Variants in GABBR2 observed in about 807,000 individuals in gnomAD.
The protein encoded by GABBR2 is gamma-aminobutyric acid type B receptor subunit 2.
In GABBR2, 23 loss-of-function variants were observed where a neutral mutation model predicts 105.6. The ratio of observed to expected loss-of-function variants is 0.22; its 90% CI spans 0.16 to 0.31. The LOEUF is 0.31. Ranked by LOEUF, GABBR2 falls within the 10% of genes least tolerant of loss-of-function variation. The pLI is 1.00. For missense variants in GABBR2, 734 were observed against 1,245.5 expected (o/e 0.59, Z 6.18); for synonymous variants, 478 against 499.7 (o/e 0.96, Z 0.58).
intron 3 of GABBR2, among the ~76,000 whole-genome samples, chr9:98,528,100 A>C (rs1827995852): frequency 6.6e-6 from 1 of 152,164 alleles, no homozygotes; most frequent in Non-Finnish European, 1.5e-5. Context: ...TTTTTACTTT[A>C]TAAAATGTGG....
At chr9:98,563,485 C>T (rs903888053) in intron 2 of GABBR2, among the ~76,000 whole-genome samples, 1 of 152,172 alleles carries the variant, frequency 6.6e-6, no homozygotes, top group Non-Finnish European at 1.5e-5. Flanking sequence ...TTCTTGTTAG[C>T]GTGGGCCAGA....
intron 7 of GABBR2, among the ~76,000 whole-genome samples, chr9:98,448,459 C>T (rs1201052957): frequency 6.6e-6 from 1 of 151,810 alleles, no homozygotes; most frequent in Non-Finnish European, 1.5e-5. Flanking sequence ...GACGGAGTCT[C>T]ACTCTATTGC....
chr9:98,530,616 AAAAAT>A (rs967216794), intron 3 of GABBR2, among the ~76,000 whole-genome samples: 1 of 152,192 alleles, frequency 6.6e-6, no homozygotes, highest in Non-Finnish European at 1.5e-5. Context: ...TGTCTCGACA[AAAAAT>A]AAAATAAAAT....
chr9:98,629,696 C>CT (rs1239317226), intron 1 of GABBR2, among the ~76,000 whole-genome samples: 21 of 152,270 alleles, frequency 1.4e-4, no homozygotes, highest in African/African-American at 5.1e-4. Context: ...TGGCTCACCC[C>CT]TTTTTTCTTG....
chr9:98,565,847 A>G (rs1311989535), intron 2 of GABBR2, among the ~76,000 whole-genome samples: 2 of 152,188 alleles, frequency 1.3e-5, no homozygotes, highest in African/African-American at 4.8e-5. Context: ...TATTATTGGT[A>G]TGTTGGCTCT....
At chr9:98,424,185 TC>T (rs1368427370) in intron 7 of GABBR2, among the ~76,000 whole-genome samples, 1 of 152,060 alleles carries the variant, frequency 6.6e-6, no homozygotes, top group Non-Finnish European at 1.5e-5. Flanking sequence ...TATACGAAAA[TC>T]AATAAATGTA....
At chr9:98,453,528 T>G (rs761902738) in intron 7 of GABBR2, among the ~76,000 whole-genome samples, 3 of 152,180 alleles carry the variant, frequency 2.0e-5, no homozygotes, top group Non-Finnish European at 2.9e-5. Flanking sequence ...TAAATTCACA[T>G]GGAGATTGAA....
At chr9:98,424,509 G>A (rs1268472824) in intron 7 of GABBR2, among the ~76,000 whole-genome samples, 1 of 152,078 alleles carries the variant, frequency 6.6e-6, no homozygotes, top group Non-Finnish European at 1.5e-5. Context: ...AGGAAATAAA[G>A]GGTATTCAAT....
rs552953867 is a variant in GABBR2, at chr9:98,626,071, C to T, written c.322-47999G>A. Among the ~76,000 whole-genome samples the T allele has an allele frequency of 2.0e-4, 31 of 152,294 alleles. No individual in the cohort carries two copies. The East Asian group carries it at 3.3e-3, about 16-fold the overall frequency. On this transcript the variant is annotated intron_variant, in intron 1 of 18. Coordinates refer to ENST00000259455, the MANE Select transcript of GABBR2 (RefSeq NM_005458.8). Reference sequence around the variant, plus strand: ...TGACCGGGAGAAGAAGCACTGCAGCCGTGGGACCCACCTGGGTAGAGATTC... The same window carrying T: ...TGACCGGGAGAAGAAGCACTGCAGCTGTGGGACCCACCTGGGTAGAGATTC...
intron 13 of GABBR2, among the ~76,000 whole-genome samples, chr9:98,322,801 A>G (rs1480458025): frequency 1.3e-5 from 2 of 151,994 alleles, no homozygotes; most frequent in Non-Finnish European, 2.9e-5. Context: ...GGCTCCTCCC[A>G]CATCCACTGC....
At chr9:98,579,658 T>A (rs992937173) in intron 1 of GABBR2, among the ~76,000 whole-genome samples, 1 of 152,184 alleles carries the variant, frequency 6.6e-6, no homozygotes, top group Non-Finnish European at 1.5e-5. Flanking sequence ...TGAACACATG[T>A]CAAAGTTTTA....
intron 17 of GABBR2, 97 bp downstream of exon 17, chr9:98,299,127 G>C: frequency 9.6e-7 from 1 of 1,045,550 alleles, no homozygotes; most frequent in Non-Finnish European, 1.5e-6. Context: ...CCTGTGCCCT[G>C]TCTGAGCCTC....
intron 1 of GABBR2, among the ~76,000 whole-genome samples, chr9:98,671,958 G>C (rs559657347): frequency 9.8e-4 from 149 of 152,250 alleles, no homozygotes; most frequent in African/African-American, 3.3e-3. Flanking sequence ...ATCACTGGGT[G>C]GGGGCATGAA....
chr9:98,648,116 T>TGTATAGATAGATAGATAG lies in GABBR2; in HGVS notation c.321+60300_321+60301insCTATCTATCTATCTATAC. Among the ~76,000 whole-genome samples the TGTATAGATAGATAGATAG allele has an allele frequency of 4.5e-3, 250 of 55,946 alleles. 1 individual carries two copies. Among genetic ancestry groups the TGTATAGATAGATAGATAG allele is most frequent in the African/African-American group, 0.012 (175 of 14,588 alleles). 36.7% of individuals were successfully genotyped at this position (55,946 alleles called of 152,430 possible). ...GTGTGTGTGTGTGTGTGTGTGTGTG[T>TGTATAGATAGATAGATAG]ATAGATAGATAGATAGATAGATAGA... On this transcript the variant is annotated intron_variant, in intron 1 of 18. Transcript: ENST00000259455.
rs139923338 is a variant in GABBR2 at position 98,366,888 on chromosome 9, C to T, written c.1771-4051G>A. Among the ~76,000 whole-genome samples, 709 of 152,274 alleles carry T rather than the reference C, an allele frequency of 4.7e-3. 7 individuals carry two copies. Among genetic ancestry groups the T allele is most frequent in the African/African-American group, 0.017 (687 of 41,550 alleles). The stretch of plus-strand genomic sequence containing the variant: ...TTCCATTGTCCTCAAAAAGCATCTG[C>T]CCCCAGAACAGAAGGTGTCATCTCT... On this transcript the variant is annotated intron_variant, in intron 12 of 18. Transcript: ENST00000259455.
At chr9:98,543,842 ATGT>A (rs984782199) in intron 2 of GABBR2, among the ~76,000 whole-genome samples, 1 of 151,496 alleles carries the variant, frequency 6.6e-6, no homozygotes, top group African/African-American at 2.4e-5. Flanking sequence ...TTGTTTCTTG[ATGT>A]TGTTTATAGT....
chr9:98,398,794 C>T (rs1451683293), intron 8 of GABBR2, among the ~76,000 whole-genome samples: 1 of 152,214 alleles, frequency 6.6e-6, no homozygotes, highest in African/African-American at 2.4e-5. Context: ...ACTTTGTGCT[C>T]TACTGTCACA....
intron 1 of GABBR2, among the ~76,000 whole-genome samples, chr9:98,669,052 A>G (rs1830374527): frequency 6.6e-6 from 1 of 151,832 alleles, no homozygotes. Context: ...AATTATTTTG[A>G]GTGTCCTTCC....
chr9:98,620,040 AC>A (rs1260799068), intron 1 of GABBR2, among the ~76,000 whole-genome samples: 1 of 152,110 alleles, frequency 6.6e-6, no homozygotes, highest in African/African-American at 2.4e-5. Flanking sequence ...GCTGTGAGAA[AC>A]CCGTGAGATA....
Sources: gnomAD v4.1 joint callset for allele counts (sites outside exome capture counted in the v4.1 genomes callset) on GRCh38, gnomAD v4.1.1 for gene constraint, MANE v1.5 for transcripts, NCBI Gene and HGNC (gene_info 2026-07-23, HGNC 2026-07-21) for gene names.